Variants in NELL1 observed in about 807,000 individuals in gnomAD.
The protein encoded by NELL1 is neural EGFL like 1.
NELL1 carries 76 observed loss-of-function variants against 107.4 expected under a neutral mutation model. That is an observed-to-expected ratio of 0.71 (90% CI 0.59 to 0.86). The LOEUF (loss-of-function observed/expected upper bound fraction) is 0.86, where lower values mean the gene tolerates loss of function less well. Ranked by LOEUF, NELL1 falls within the 40% of genes least tolerant of loss-of-function variation. The pLI, the probability that NELL1 is intolerant of heterozygous loss-of-function variation, is 0.00. For missense variants in NELL1, 1,024 were observed against 1,005.5 expected (o/e 1.02, Z -0.25); for synonymous variants, 353 against 341.2 (o/e 1.03, Z -0.38).
intron 14 of NELL1, among the ~76,000 whole-genome samples, chr11:21,346,849 C>A (rs1850693648): frequency 6.6e-6 from 1 of 152,064 alleles, no homozygotes; most frequent in South Asian, 2.1e-4. Flanking sequence ...TCTAACTCTA[C>A]TCAAAAGCCA....
At chr11:20,821,202 G>T (rs1037283463) in intron 3 of NELL1, among the ~76,000 whole-genome samples, 1 of 152,012 alleles carries the variant, frequency 6.6e-6, no homozygotes, top group African/African-American at 2.4e-5. Flanking sequence ...GGGAGGGAAC[G>T]ATTATGGTCA....
At chr11:21,266,286 C>A (rs1408905214) in intron 14 of NELL1, among the ~76,000 whole-genome samples, 1 of 151,714 alleles carries the variant, frequency 6.6e-6, no homozygotes, top group African/African-American at 2.4e-5. Flanking sequence ...TTAAAATGTT[C>A]ACTTGTGTGT....
At chr11:20,864,799 C>A (rs1849063705) in intron 4 of NELL1, among the ~76,000 whole-genome samples, 1 of 152,206 alleles carries the variant, frequency 6.6e-6, no homozygotes, top group Admixed American at 6.5e-5. Context: ...CCTGTCAGCT[C>A]TTGCCTTTTT....
chr11:21,313,489 A>G (rs1292090238), intron 14 of NELL1, among the ~76,000 whole-genome samples: 1 of 152,148 alleles, frequency 6.6e-6, no homozygotes, highest in Non-Finnish European at 1.5e-5. Flanking sequence ...CAAGCTCCAG[A>G]GTCTGCTTTC....
chr11:20,945,613 C>A (rs1301760868), intron 10 of NELL1, among the ~76,000 whole-genome samples: 1 of 152,204 alleles, frequency 6.6e-6, no homozygotes. Context: ...GAAGGATAGA[C>A]TTAGAGGCAA....
intron 17 of NELL1, among the ~76,000 whole-genome samples, chr11:21,569,312 A>G (rs988802542): frequency 6.6e-6 from 1 of 151,968 alleles, no homozygotes; most frequent in African/African-American, 2.4e-5. Flanking sequence ...GAATAATTCT[A>G]TTTAGTTCTC....
chr11:21,550,860 T>C (rs527605835), intron 16 of NELL1, among the ~76,000 whole-genome samples: 87 of 151,716 alleles, frequency 5.7e-4, no homozygotes, highest in African/African-American at 2.0e-3. Flanking sequence ...TAAAGTAGTT[T>C]TTTCCAATTC....
intron 12 of NELL1, among the ~76,000 whole-genome samples, chr11:20,988,540 T>C (rs1396937045): frequency 1.3e-5 from 2 of 151,262 alleles, no homozygotes; most frequent in Non-Finnish European, 2.9e-5. Flanking sequence ...CATATATGTA[T>C]GTATATATTT....
intron 2 of NELL1, among the ~76,000 whole-genome samples, chr11:20,679,937 C>CCT (rs1260760173): frequency 6.6e-6 from 1 of 152,080 alleles, no homozygotes; most frequent in East Asian, 1.9e-4. Flanking sequence ...GTGTAGGTCC[C>CCT]CTGGGCTGGA....
chr11:21,367,523 G>A (rs528318088), intron 14 of NELL1, among the ~76,000 whole-genome samples: 5 of 152,204 alleles, frequency 3.3e-5, no homozygotes, highest in South Asian at 2.1e-4. Context: ...GATCTTTGCC[G>A]TCTTACTGCA....
chr11:21,154,779 A>C lies in NELL1; in HGVS notation c.1426+41065A>C, dbSNP rs567681616. ...TGGGTATCCCAAGCAGTGAAAATGGAATTTATCATGTGGGCCTTTAAAAAT... is the reference window on the plus strand; with the variant it reads ...TGGGTATCCCAAGCAGTGAAAATGGCATTTATCATGTGGGCCTTTAAAAAT... On this transcript the variant is annotated intron_variant, in intron 13 of 19. Transcript: ENST00000357134. Among the ~76,000 whole-genome samples, 210 of 152,224 alleles carry C rather than the reference A, an allele frequency of 1.4e-3. 2 individuals carry two copies. Among genetic ancestry groups the C allele is most frequent in the African/African-American group, 4.8e-3 (201 of 41,564 alleles).
At chr11:20,868,100 A>G (rs1849128293) in intron 4 of NELL1, among the ~76,000 whole-genome samples, 1 of 152,172 alleles carries the variant, frequency 6.6e-6, no homozygotes, top group Non-Finnish European at 1.5e-5. Context: ...ATCCTGTGTG[A>G]TGTGAGAGCA....
intron 15 of NELL1, among the ~76,000 whole-genome samples, chr11:21,379,388 T>C (rs1443360805): frequency 6.6e-6 from 1 of 152,112 alleles, no homozygotes; most frequent in African/African-American, 2.4e-5. Context: ...GTAACTATTA[T>C]TAAATAAACT....
chr11:20,850,157 C>T (rs1042844637), intron 4 of NELL1, among the ~76,000 whole-genome samples: 1 of 152,172 alleles, frequency 6.6e-6, no homozygotes, highest in South Asian at 2.1e-4. Flanking sequence ...ACTTTACCTT[C>T]TTCACAAGTT....
chr11:20,899,759 A>T (rs962976459), intron 5 of NELL1, among the ~76,000 whole-genome samples: 5 of 152,148 alleles, frequency 3.3e-5, no homozygotes, highest in African/African-American at 1.2e-4. Flanking sequence ...TATTAGAAAT[A>T]AAAAAAGCAT....
intron 14 of NELL1, among the ~76,000 whole-genome samples, chr11:21,272,599 T>G (rs1160260841): frequency 6.6e-6 from 1 of 152,220 alleles, no homozygotes; most frequent in Non-Finnish European, 1.5e-5. Context: ...ATGGACAGAC[T>G]GCCTCCTCAA....
At chr11:21,028,041 C>A (rs1177645556) in intron 12 of NELL1, among the ~76,000 whole-genome samples, 1 of 152,084 alleles carries the variant, frequency 6.6e-6, no homozygotes, top group East Asian at 1.9e-4. Context: ...ATACTCAGTT[C>A]TCAGAAACTT....
intron 13 of NELL1, among the ~76,000 whole-genome samples, chr11:21,154,920 T>C (rs1856198485): frequency 6.6e-6 from 1 of 152,160 alleles, no homozygotes; most frequent in South Asian, 2.1e-4. Context: ...CAAGCTTGTA[T>C]TGTGTGGTAT....
intron 14 of NELL1, among the ~76,000 whole-genome samples, chr11:21,300,008 G>A (rs1397084946): frequency 6.6e-6 from 1 of 151,942 alleles, no homozygotes; most frequent in East Asian, 1.9e-4. Flanking sequence ...GACTTTCGTA[G>A]AGAAATTAGA....
Sources: gnomAD v4.1 joint callset for allele counts (sites outside exome capture counted in the v4.1 genomes callset) on GRCh38, gnomAD v4.1.1 for gene constraint, MANE v1.5 for transcripts, NCBI Gene and HGNC (gene_info 2026-07-23, HGNC 2026-07-21) for gene names.